Variants in HOMER2 observed in about 807,000 individuals in gnomAD.
HOMER2 encodes homer scaffold protein 2.
Under a neutral mutation model 47.0 loss-of-function variants are expected in HOMER2, and 27 were observed. The ratio of observed to expected loss-of-function variants is 0.57; its 90% confidence interval spans 0.42 to 0.79. The LOEUF is 0.79. Among genes scored for constraint, HOMER2 ranks in the 30% least tolerant of loss-of-function variants. The pLI, the probability that HOMER2 is intolerant of heterozygous loss-of-function variation, is 0.00. For synonymous variants in HOMER2, 161 were observed against 163.8 expected, an observed-to-expected ratio of 0.98 and a Z score of 0.13; for missense variants, 443 against 435.0, an observed-to-expected ratio of 1.02 and a Z score of -0.16.
At chr15:82,942,223 C>T (rs1176374310) in intron 1 of HOMER2, among the ~76,000 whole-genome samples, 1 of 152,244 alleles carries the variant, frequency 6.6e-6, no homozygotes, top group Non-Finnish European at 1.5e-5. Flanking sequence ...CCAGCCATCT[C>T]CCTCAGGAAG....
At chr15:82,845,212 G>GT (rs1200798610), downstream of HOMER2, 1 of 131,024 alleles carries the variant, frequency 7.6e-6, no homozygotes, top group African/African-American at 3.0e-5. Flanking sequence ...CCCTTTTGCT[G>GT]TTTCTTCACA....
chr15:82,882,031 T>C (rs182972049), intron 2 of HOMER2, among the ~76,000 whole-genome samples: 64 of 152,348 alleles, frequency 4.2e-4, no homozygotes, highest in Admixed American at 1.4e-3. Context: ...AATTAACCAA[T>C]GCTCTGAAAA....
At chr15:82,848,628 T>C (rs2051290191), downstream of HOMER2, among the ~76,000 whole-genome samples, 1 of 152,226 alleles carries the variant, frequency 6.6e-6, no homozygotes, top group South Asian at 2.1e-4. Flanking sequence ...GAAATGCCTG[T>C]GATTTCTTCC....
intron 1 of HOMER2, among the ~76,000 whole-genome samples, chr15:82,902,725 CATT>C (rs1440770250): frequency 2.6e-5 from 4 of 152,024 alleles, no homozygotes; most frequent in African/African-American, 9.7e-5. Flanking sequence ...GACTTGGAAA[CATT>C]ATTCTTAATA....
At chr15:82,966,749 G>A (rs768728073) in intron 1 of HOMER2, among the ~76,000 whole-genome samples, 1 of 152,218 alleles carries the variant, frequency 6.6e-6, no homozygotes, top group Non-Finnish European at 1.5e-5. Context: ...ACACAGCATT[G>A]TGGGTTACAG....
At chr15:82,866,509 TG>T (rs2051972054) in intron 3 of HOMER2, among the ~76,000 whole-genome samples, 1 of 152,160 alleles carries the variant, frequency 6.6e-6, no homozygotes, top group African/African-American at 2.4e-5. Context: ...AAGGCATGAC[TG>T]GTTTTGAAAT....
intron 1 of HOMER2, among the ~76,000 whole-genome samples, chr15:82,974,275 G>A (rs542907312): frequency 1.1e-4 from 16 of 149,832 alleles, no homozygotes; most frequent in African/African-American, 3.2e-4. Flanking sequence ...GTGGTGGCAC[G>A]TGTCTGTAGT....
chr15:82,865,222 T>C (rs1293934474), intron 3 of HOMER2, among the ~76,000 whole-genome samples: 2 of 152,324 alleles, frequency 1.3e-5, no homozygotes, highest in Non-Finnish European at 2.9e-5. Flanking sequence ...ACTATTGCAA[T>C]GCTGGCAGAG....
At chr15:82,937,818 C>A (rs2054174584) in intron 1 of HOMER2, among the ~76,000 whole-genome samples, 1 of 152,194 alleles carries the variant, frequency 6.6e-6, no homozygotes, top group Non-Finnish European at 1.5e-5. Context: ...TGTGCACCCA[C>A]CTTCTGGGTC....
exon 2 of HOMER2, chr15:82,840,218 GA>G (rs1320129641): frequency 6.6e-6 from 1 of 151,940 alleles, no homozygotes; most frequent in Non-Finnish European, 1.5e-5. Flanking sequence ...AAGAAGGTGG[GA>G]AAATAATAAA....
At chr15:82,859,291 CT>C (rs1254244032) in intron 4 of HOMER2, 156 bp from the exon 5 acceptor site, 2 of 958,938 alleles carry the variant, frequency 2.1e-6, no homozygotes, top group Non-Finnish European at 3.0e-6. Flanking sequence ...GCAGCAAAGA[CT>C]AACAAGTTTT....
At chr15:82,869,448 A>ATTTTT (rs1567024097) in intron 3 of HOMER2, among the ~76,000 whole-genome samples, 1 of 86,512 alleles carries the variant, frequency 1.2e-5, no homozygotes, top group Non-Finnish European at 2.2e-5. Flanking sequence ...TCTACTAAAC[A>ATTTTT]TCTTTTTTTT....
intron 6 of HOMER2, 27 bp downstream of exon 6, chr15:82,854,617 G>A (rs754656177): frequency 6.3e-6 from 10 of 1,597,324 alleles, no homozygotes; most frequent in East Asian, 2.3e-5. Context: ...AGCTGGCCTC[G>A]GGGCTCACTG....
chr15:82,853,885 A>C (rs548598883), intron 6 of HOMER2, among the ~76,000 whole-genome samples: 2 of 152,252 alleles, frequency 1.3e-5, no homozygotes, highest in Admixed American at 1.3e-4. Context: ...TCAACTCCAA[A>C]TTTACATGTT....
At chr15:82,841,971 G>C (rs1241864110) in exon 2 of HOMER2, 2 of 152,120 alleles carry the variant, frequency 1.3e-5, no homozygotes, top group Non-Finnish European at 2.9e-5. Context: ...ACTTTTTCTG[G>C]GGGAAAGGGA....
In HOMER2 at chr15:82,859,098, G is replaced by C; in HGVS notation, c.425C>G (p.Ser142Cys). 6.2e-7 allele frequency: 1 copy of C among 1,614,014 alleles called. No individual in the cohort carries two copies. Among genetic ancestry groups the C allele is most frequent in the Non-Finnish European group, 8.5e-7 (1 of 1,179,882 alleles). Residue 142 changes from serine (S) to cysteine (C), a missense_variant, in exon 5 of 9, where the codon TCT becomes TGT. By Grantham distance (112) the Ser-to-Cys change is moderately radical (BLOSUM62 -1). Transcript: ENST00000450735. ...GTGTGTGTTGGCTGGACCGGCGTGA[G>C]AGGCCTTTTCATCGTCCGTCCCGTT... ...SVNGTDDEKASHAGPANTHLK... is the reference protein window; with the variant it reads ...SVNGTDDEKACHAGPANTHLK...
At chr15:82,867,381 A>G (rs200383876) in intron 3 of HOMER2, among the ~76,000 whole-genome samples, 1 of 147,660 alleles carries the variant, frequency 6.8e-6, no homozygotes, top group African/African-American at 2.5e-5. Flanking sequence ...AAAAAAAAAA[A>G]CTAAACCAGA....
At chr15:82,868,878 C>T (rs2052082610) in intron 3 of HOMER2, among the ~76,000 whole-genome samples, 2 of 151,752 alleles carry the variant, frequency 1.3e-5, no homozygotes, top group Admixed American at 6.6e-5. Flanking sequence ...TTTAGACCTA[C>T]AGTCCCATTG....
At chr15:82,939,224 A>G (rs1431885915) in intron 1 of HOMER2, among the ~76,000 whole-genome samples, 1 of 152,198 alleles carries the variant, frequency 6.6e-6, no homozygotes. Flanking sequence ...ATCTCAGTCA[A>G]CATCACCACT....
Sources: gnomAD v4.1 joint callset for allele counts (sites outside exome capture counted in the v4.1 genomes callset) on GRCh38, gnomAD v4.1.1 for gene constraint, MANE v1.5 for transcripts, NCBI Gene and HGNC (gene_info 2026-07-23, HGNC 2026-07-21) for gene names.